Variants in BAIAP2 observed in about 807,000 individuals in gnomAD.
The protein encoded by BAIAP2 is BAR/IMD domain-containing adapter protein 2.
Under a neutral mutation model 63.0 loss-of-function variants are expected in BAIAP2, and 18 were observed. That is an observed-to-expected ratio of 0.29 (90% CI 0.20 to 0.42). The LOEUF is 0.42. BAIAP2 is among the 10% of genes least tolerant of loss of function. BAIAP2 has a pLI of 1.00. For missense variants in BAIAP2, 610 were observed against 734.3 expected, an observed-to-expected ratio of 0.83 and a Z score of 1.96; for synonymous variants, 386 against 307.6, an observed-to-expected ratio of 1.25 and a Z score of -2.67.
At chr17:81,048,601 G>A (rs913617472) in intron 1 of BAIAP2, among the ~76,000 whole-genome samples, 7 of 151,930 alleles carry the variant, frequency 4.6e-5, no homozygotes, top group Non-Finnish European at 1.0e-4. Context: ...CAGTCTCCAG[G>A]CTGGCCAGCA....
chr17:81,058,089 A>G (rs2049928919), intron 3 of BAIAP2, 122 bp downstream of exon 3: 11 of 793,882 alleles, frequency 1.4e-5, no homozygotes, highest in Non-Finnish European at 1.7e-5. Context: ...AAATAGGAAA[A>G]TATTTTAATG....
At chr17:81,077,625 AAAAG>A (rs1361781508) in intron 3 of BAIAP2, among the ~76,000 whole-genome samples, 5 of 152,168 alleles carry the variant, frequency 3.3e-5, no homozygotes, top group Admixed American at 2.0e-4. Flanking sequence ...CAATTTTAAA[AAAAG>A]AGCCTAATGC....
At chr17:81,086,968 T>C in intron 6 of BAIAP2, 1 of 189,344 alleles carries the variant, frequency 5.3e-6, no homozygotes, top group South Asian at 1.1e-4. Flanking sequence ...TACTTCAGGT[T>C]CCTCGAGGGA....
intron 5 of BAIAP2, among the ~76,000 whole-genome samples, chr17:81,086,121 G>T (rs1322890427): frequency 6.6e-6 from 1 of 151,960 alleles, no homozygotes; most frequent in Non-Finnish European, 1.5e-5. Flanking sequence ...CACTGCTTGA[G>T]GGTTTGAGGG....
intron 4 of BAIAP2, 135 bp downstream of exon 4, chr17:81,085,028 G>C: frequency 5.7e-6 from 5 of 874,806 alleles, no homozygotes; most frequent in Non-Finnish European, 9.1e-6. Flanking sequence ...AGGGACCCTG[G>C]CTCAGCACAC....
chr17:81,049,549 C>T (rs947993015), intron 1 of BAIAP2, among the ~76,000 whole-genome samples: 3 of 152,250 alleles, frequency 2.0e-5, no homozygotes, highest in African/African-American at 4.8e-5. Context: ...CCTCCCCATC[C>T]CCTGCCCCAG....
chr17:81,098,206 C>T (rs901711321), intron 6 of BAIAP2: 4 of 1,408,376 alleles, frequency 2.8e-6, no homozygotes, highest in Non-Finnish European at 9.3e-7. Context: ...GTGAGTCATA[C>T]AACAAGCCCT....
rs895351208 is a variant in BAIAP2 at position 81,116,642 on chromosome 17, T to TC, written c.*812dup. 174 of 378,722 alleles carry TC rather than the reference T, an allele frequency of 4.6e-4. No individual in the cohort carries two copies. The highest frequency in any genetic ancestry group is 2.3e-3 in the South Asian group (62 of 27,148). The allele number at this position is 378,722 out of a possible 1,614,324, so 23.5% of individuals were successfully genotyped here. On this transcript the variant is annotated 3_prime_UTR_variant, in exon 14 of 14. Transcript: ENST00000428708. ...CTGCCCCAGGACTCCTGGGTGGACC[T>TC]CCCCCCCCCACCTCCGCTGACTCCT...
intron 3 of BAIAP2, among the ~76,000 whole-genome samples, chr17:81,073,175 G>A (rs939460477): frequency 2.0e-5 from 3 of 152,222 alleles, no homozygotes; most frequent in Non-Finnish European, 4.4e-5. Context: ...CCATGCCAGG[G>A]CTCAGCACCC....
intron 3 of BAIAP2, among the ~76,000 whole-genome samples, chr17:81,058,256 G>T (rs1000395625): frequency 1.3e-5 from 2 of 152,164 alleles, no homozygotes; most frequent in Non-Finnish European, 2.9e-5. Flanking sequence ...GGGGGTCTGT[G>T]TGCTTGGATG....
intron 13 of BAIAP2, chr17:81,108,910 C>T (rs954030114): frequency 6.8e-5 from 104 of 1,530,142 alleles, no homozygotes; most frequent in Middle Eastern, 4.6e-4. Flanking sequence ...GCGGACTCGC[C>T]GCCTGTGGCT....
chr17:81,060,952 C>CTAAAATACAAA (rs1196946796), intron 3 of BAIAP2, among the ~76,000 whole-genome samples: 28 of 152,234 alleles, frequency 1.8e-4, no homozygotes, highest in African/African-American at 6.7e-4. Context: ...GTGAAACCCC[C>CTAAAATACAAA]ATCTCTACTA....
intron 6 of BAIAP2, among the ~76,000 whole-genome samples, chr17:81,091,651 T>A (rs1473856501): frequency 6.6e-6 from 1 of 152,200 alleles, no homozygotes; most frequent in Non-Finnish European, 1.5e-5. Context: ...GTCTGGCCCA[T>A]TCGGGCTCCT....
At chr17:81,111,492 T>C (rs1204572175) in intron 13 of BAIAP2, among the ~76,000 whole-genome samples, 1 of 152,202 alleles carries the variant, frequency 6.6e-6, no homozygotes, top group African/African-American at 2.4e-5. Context: ...AGTCTGACCT[T>C]GCCTCTTCTG....
chr17:81,103,977 C>T lies in BAIAP2; in HGVS notation c.935C>T (p.Pro312Leu), dbSNP rs754765663. 33 of 1,612,962 alleles carry T rather than the reference C, an allele frequency of 2.0e-5. No homozygotes were observed. The highest frequency in any genetic ancestry group is 2.0e-4 in the East Asian group (9 of 44,884). Residue 312 changes from proline to leucine, a missense_variant, in exon 9 of 14, where the codon CCG becomes CTG. Around this residue, in one of 5 missense-constraint regions of BAIAP2, gnomAD observed 389 missense variants for 455.6 expected, o/e 0.85. Coordinates refer to ENST00000428708, the MANE Select transcript of BAIAP2 (RefSeq NM_001144888.2). Reference sequence around the variant, plus strand: ...GGCCCGGATGGCGAGGACTACAGCCCGTGGGCTGACCGCAAGGCTGCCCAG... The same window carrying T: ...GGCCCGGATGGCGAGGACTACAGCCTGTGGGCTGACCGCAAGGCTGCCCAG... Reference protein sequence around the residue: ...VTGPDGEDYSPWADRKAAQPK... With the variant: ...VTGPDGEDYSLWADRKAAQPK...
chr17:81,088,696 T>C (rs967317079), intron 6 of BAIAP2, among the ~76,000 whole-genome samples: 4 of 152,212 alleles, frequency 2.6e-5, no homozygotes, highest in Non-Finnish European at 4.4e-5. Context: ...CCCCTCTTAC[T>C]GTCGGGGGTC....
In BAIAP2 at chr17:81,110,858, C is replaced by T. The variant is rs570394759; in HGVS notation, c.1535+2349C>T. 5.0e-6 allele frequency: 8 copies of T among 1,609,400 alleles called. No homozygotes were observed. The South Asian group carries it at 5.5e-5, about 11-fold the overall frequency. ...CGCCCGTGGTCCCCCCTCCTCTGCA[C>T]CCCCGAGTCCTCAGACCCCATGCTG... On this transcript the variant is annotated intron_variant, in intron 13 of 13. Coordinates refer to ENST00000428708, the MANE Select transcript of BAIAP2 (RefSeq NM_001144888.2).
At chr17:81,103,110 C>A (rs1042693526) in intron 7 of BAIAP2, among the ~76,000 whole-genome samples, 9 of 152,212 alleles carry the variant, frequency 5.9e-5, no homozygotes, top group African/African-American at 2.2e-4. Flanking sequence ...GGCCTGACCC[C>A]CACTGGGCAG....
chr17:81,039,873 C>G (rs114240183), intron 1 of BAIAP2, among the ~76,000 whole-genome samples: 4 of 152,282 alleles, frequency 2.6e-5, no homozygotes, highest in African/African-American at 9.6e-5. Flanking sequence ...GTCCTCCTTC[C>G]GAGCTCCAGG....
Sources: allele counts gnomAD v4.1 joint callset (sites outside exome capture counted in the v4.1 genomes callset), GRCh38; gene constraint gnomAD v4.1.1; regional missense constraint gnomAD v4.1.1; transcripts MANE v1.5; gene names NCBI Gene and HGNC (gene_info 2026-07-23, HGNC 2026-07-21).